Variants in CDH7 observed in about 807,000 individuals in gnomAD.
CDH7 encodes cadherin 7.
A neutral mutation model predicts 71.8 loss-of-function variants in CDH7; 25 were observed. The observed-to-expected ratio is 0.35, with a 90% CI of 0.25 to 0.49. The LOEUF (loss-of-function observed/expected upper bound fraction) is 0.49, where lower values mean the gene tolerates loss of function less well. Ranked by LOEUF, CDH7 falls within the 20% of genes least tolerant of loss-of-function variation. The pLI is 0.99. For synonymous variants in CDH7, 381 were observed against 363.8 expected, an observed-to-expected ratio of 1.05 and a Z score of -0.54; for missense variants, 862 against 974.6, an observed-to-expected ratio of 0.88 and a Z score of 1.54.
intron 6 of CDH7, among the ~76,000 whole-genome samples, chr18:65,827,359 C>T (rs1485890815): frequency 6.6e-6 from 1 of 151,772 alleles, no homozygotes; most frequent in Non-Finnish European, 1.5e-5. Flanking sequence ...AATATTACTT[C>T]TGTGTCATAA....
At chr18:65,840,570 T>A (rs11664273) in intron 6 of CDH7, among the ~76,000 whole-genome samples, 5 of 151,866 alleles carry the variant, frequency 3.3e-5, no homozygotes, top group Non-Finnish European at 7.4e-5. Context: ...GGAGGTGGTT[T>A]CCCCCCATAC....
In CDH7 at chr18:65,880,979, A is replaced by C; in HGVS notation, c.*85A>C. 7.5e-7 allele frequency: 1 copy of C among 1,326,714 alleles called. No homozygotes were observed. Among genetic ancestry groups the C allele is most frequent in the Non-Finnish European group, 1.0e-6 (1 of 984,696 alleles). 82.2% of individuals were successfully genotyped at this position (1,326,714 alleles called of 1,614,324 possible). On this transcript the variant is annotated 3_prime_UTR_variant, in exon 12 of 12. Transcript: ENST00000397968. ...ATGAAATAAAATAATAAACCACTAC[A>C]TACAGAAAACAAGAACTCCCCTTGC...
intron 4 of CDH7, among the ~76,000 whole-genome samples, chr18:65,821,613 T>C (rs1374345869): frequency 1.3e-5 from 2 of 152,162 alleles, no homozygotes; most frequent in African/African-American, 2.4e-5. Flanking sequence ...GTTTGAGAGC[T>C]AGTGTGCTCA....
intron 2 of CDH7, among the ~76,000 whole-genome samples, chr18:65,783,012 G>T (rs1016468187): frequency 6.6e-6 from 1 of 152,210 alleles, no homozygotes; most frequent in African/African-American, 2.4e-5. Flanking sequence ...AATGAGGATA[G>T]ATAGGGGTGT....
chr18:65,859,698 C>G lies in CDH7; in HGVS notation c.1495-10C>G, dbSNP rs772819952. The G allele has an allele frequency of 2.6e-6, 4 of 1,543,962 alleles. No homozygotes were observed. The highest frequency in any genetic ancestry group is 4.5e-5 in the East Asian group (2 of 44,456). On this transcript the variant is annotated splice_polypyrimidine_tract_variant and intron_variant, in intron 9 of 11. Transcript: ENST00000397968. ...AATGTGCTTTCATCTTTTACTTTCT[C>G]TTTTCCTAGGTTATCCAGAAAATCA...
chr18:65,778,152 AT>A (rs1020692980), intron 2 of CDH7, among the ~76,000 whole-genome samples: 22 of 151,744 alleles, frequency 1.4e-4, no homozygotes, highest in Admixed American at 7.9e-4. Context: ...CGCACCTGTA[AT>A]CCCAGCTACT....
chr18:65,862,888 C>T lies in CDH7; in HGVS notation c.1835C>T (p.Ala612Val). The T allele has an allele frequency of 6.2e-7, 1 of 1,614,184 alleles. No individual in the cohort carries two copies. The highest frequency in any genetic ancestry group is 8.5e-7 in the Non-Finnish European group (1 of 1,180,018). The change falls in exon 11 of 12, where the codon GCC becomes GTC. Residue 612 changes from alanine (A) to valine (V), a missense_variant. Transcript: ENST00000397968. ...GGCCTCAGTACAGGAGCCCTGATAG[C>T]CATACTCGCCTGTGTCTTGACATTA... ...PAGLSTGALI[A>V]ILACVLTLLV...
At position 65,857,867 on chromosome 18, in the gene CDH7, C is replaced by T. The variant is rs765515744; in HGVS notation, c.1287C>T (p.Ala429=). The change falls in exon 8 of 12, where the codon GCC becomes GCT. Residue 429 remains alanine (A), a synonymous_variant. Coordinates refer to ENST00000397968, the MANE Select transcript of CDH7 (RefSeq NM_004361.5). ...TDLERYFNID[A]NSGVITTAKS... Reference sequence around the variant, plus strand: ...TGGAGAGATACTTCAATATTGATGCCAACAGTGGGGTCATCACAACTGCCA... The same window carrying T: ...TGGAGAGATACTTCAATATTGATGCTAACAGTGGGGTCATCACAACTGCCA... The T allele has an allele frequency of 1.2e-6, 2 of 1,613,074 alleles. No individual in the cohort carries two copies. Among genetic ancestry groups the T allele is most frequent in the South Asian group, 2.2e-5 (2 of 91,034 alleles).
Position 65,888,486 on chromosome 18 carries a change from C to G in CDH7, c.*7592C>G, listed in dbSNP as rs1448076789. ...ATGGTGGCGCCATCCTGGTTTCCAG[C>G]TTATACCTCCTGACAACTCGGTACA... On this transcript the variant is annotated 3_prime_UTR_variant, in exon 12 of 12. Transcript: ENST00000397968. The G allele has an allele frequency of 7.9e-5, 12 of 152,124 alleles. No individual in the cohort carries two copies. The highest frequency in any genetic ancestry group is 7.9e-4 in the Admixed American group (12 of 15,260). The allele number at this position is 152,124 out of a possible 1,614,324, so 9.4% of individuals were successfully genotyped here. A position where few individuals can be genotyped will look rare whatever the true frequency, so the allele number is the denominator to read the frequency against.
At chr18:65,860,838 A>C (rs1328512914) in intron 10 of CDH7, among the ~76,000 whole-genome samples, 1 of 152,160 alleles carries the variant, frequency 6.6e-6, no homozygotes, top group African/African-American at 2.4e-5. Flanking sequence ...ATCTCAAAAA[A>C]ATTCAATCTG....
chr18:65,781,772 TTCCTTCC>T (rs1568181266), intron 2 of CDH7, among the ~76,000 whole-genome samples: 1,043 of 75,592 alleles, frequency 0.014, 108 homozygotes, highest in African/African-American at 0.046. Context: ...CTTTCTTTCC[TTCCTTCC>T]TTCCTTCCTT....
At chr18:65,761,434 G>T (rs759328472) in intron 1 of CDH7, among the ~76,000 whole-genome samples, 4 of 151,226 alleles carry the variant, frequency 2.6e-5, no homozygotes, top group Non-Finnish European at 4.4e-5. Context: ...GAAGGGACAG[G>T]TAGAAAGACT....
At chr18:65,872,308 C>G (rs974732949) in intron 11 of CDH7, among the ~76,000 whole-genome samples, 6 of 152,108 alleles carry the variant, frequency 3.9e-5, no homozygotes, top group African/African-American at 1.4e-4. Flanking sequence ...TCAGATTGCT[C>G]TGGTTTGAGA....
chr18:65,869,099 G>A (rs527827666), intron 11 of CDH7, among the ~76,000 whole-genome samples: 7 of 152,184 alleles, frequency 4.6e-5, no homozygotes, highest in African/African-American at 1.7e-4. Flanking sequence ...AATCAGCCAG[G>A]CTTCCGTCTT....
At chr18:65,782,335 T>G (rs1328983072) in intron 2 of CDH7, among the ~76,000 whole-genome samples, 2 of 151,338 alleles carry the variant, frequency 1.3e-5, no homozygotes, top group Non-Finnish European at 2.9e-5. Flanking sequence ...CCTGACAAAT[T>G]TTTGTATTTT....
intron 2 of CDH7, among the ~76,000 whole-genome samples, chr18:65,798,678 G>A (rs1038181224): frequency 6.6e-6 from 1 of 152,134 alleles, no homozygotes; most frequent in South Asian, 2.1e-4. Flanking sequence ...GTAGGGAAGG[G>A]TCTTCATAGT....
In CDH7 at chr18:65,763,036, C is replaced by A; in HGVS notation, c.194C>A (p.Pro65His). The A allele has an allele frequency of 6.2e-7, 1 of 1,610,544 alleles. No individual in the cohort carries two copies. Among genetic ancestry groups the A allele is most frequent in the Non-Finnish European group, 8.5e-7 (1 of 1,177,720 alleles). Residue 65 changes from proline to histidine, a missense_variant, in exon 2 of 12, where the codon CCC becomes CAC. Coordinates refer to ENST00000397968, the MANE Select transcript of CDH7 (RefSeq NM_004361.5). ...FVLEEYMGSD[P>H]LYVGKLHSDV... ...CTGGAGGAATACATGGGTTCAGACC[C>A]CCTCTATGTAGGAAAGGTAGGGTAT...
At chr18:65,808,827 G>C (rs141450328) in intron 2 of CDH7, among the ~76,000 whole-genome samples, 2 of 152,270 alleles carry the variant, frequency 1.3e-5, no homozygotes, top group African/African-American at 2.4e-5. Flanking sequence ...GCAGTTATAG[G>C]GGGTGAAAGA....
chr18:65,781,591 T>G (rs999743503), intron 2 of CDH7, among the ~76,000 whole-genome samples: 6 of 152,108 alleles, frequency 3.9e-5, no homozygotes, highest in African/African-American at 1.4e-4. Context: ...ATACAAAACA[T>G]AATACATGTA....
Sources: allele counts gnomAD v4.1 joint callset (sites outside exome capture counted in the v4.1 genomes callset), GRCh38; gene constraint gnomAD v4.1.1; transcripts MANE v1.5; gene names NCBI Gene and HGNC (gene_info 2026-07-23, HGNC 2026-07-21).